Variants in IHO1 observed in about 807,000 individuals in gnomAD.
The protein encoded by IHO1 is interactor of HORMAD1 1, also known as interactor of HORMAD1 protein 1.
In IHO1, 13 loss-of-function variants were observed where a neutral mutation model predicts 31.0. That is an observed-to-expected ratio of 0.42 (90% CI 0.27 to 0.67). IHO1 has a LOEUF of 0.67. IHO1 is among the 30% of genes least tolerant of loss of function. The probability of loss-of-function intolerance (pLI) is 0.24; values close to 1 mark genes in which losing one functional copy is unlikely to be tolerated. For missense variants in IHO1, 599 were observed against 687.5 expected, an observed-to-expected ratio of 0.87 and a Z score of 1.44; for synonymous variants, 221 against 248.4, an observed-to-expected ratio of 0.89 and a Z score of 1.04.
At chr3:49,250,608 G>A (rs2046748692) in intron 6 of IHO1, among the ~76,000 whole-genome samples, 1 of 152,218 alleles carries the variant, frequency 6.6e-6, no homozygotes, top group Non-Finnish European at 1.5e-5. Context: ...ATGGATGTCT[G>A]AAGAATATTT....
At chr3:49,243,489 TG>T (rs2046655345) in intron 4 of IHO1, among the ~76,000 whole-genome samples, 1 of 151,816 alleles carries the variant, frequency 6.6e-6, no homozygotes, top group South Asian at 2.1e-4. Flanking sequence ...CCAGGCGCGG[TG>T]GCTCACGGCT....
At chr3:49,210,319 C>T (rs2046193055) in intron 1 of IHO1, among the ~76,000 whole-genome samples, 1 of 152,008 alleles carries the variant, frequency 6.6e-6, no homozygotes, top group Admixed American at 6.6e-5. Context: ...TCACTACAGC[C>T]TTGACCTCTT....
At chr3:49,229,032 T>C (rs953854178) in intron 2 of IHO1, among the ~76,000 whole-genome samples, 14 of 151,886 alleles carry the variant, frequency 9.2e-5, no homozygotes, top group African/African-American at 1.5e-4. Context: ...AGACACAGAG[T>C]GCTGATTGGT....
At chr3:49,249,433 G>A (rs751028027) in intron 6 of IHO1, among the ~76,000 whole-genome samples, 1 of 151,966 alleles carries the variant, frequency 6.6e-6, no homozygotes, top group Non-Finnish European at 1.5e-5. Context: ...ACCACGCCCA[G>A]CTAAATTTTA....
chr3:49,254,909 C>T (rs936865228), intron 6 of IHO1, among the ~76,000 whole-genome samples: 14 of 151,718 alleles, frequency 9.2e-5, no homozygotes, highest in Admixed American at 9.2e-4. Context: ...ACTAAAAATA[C>T]AAAAATTAGC....
At chr3:49,219,343 A>G (rs942108005) in intron 2 of IHO1, among the ~76,000 whole-genome samples, 3 of 152,240 alleles carry the variant, frequency 2.0e-5, no homozygotes, top group Non-Finnish European at 4.4e-5. Flanking sequence ...AACCAATAGC[A>G]TGAATGATTT....
chr3:49,223,566 C>A (rs2046380823), intron 2 of IHO1, among the ~76,000 whole-genome samples: 1 of 152,044 alleles, frequency 6.6e-6, no homozygotes, highest in South Asian at 2.1e-4. Flanking sequence ...TCGTGGGCAC[C>A]TATAGTCCCA....
intron 1 of IHO1, among the ~76,000 whole-genome samples, chr3:49,210,690 C>T (rs531362465): frequency 1.3e-5 from 2 of 149,374 alleles, no homozygotes; most frequent in South Asian, 2.1e-4. Context: ...TGAGCCACTG[C>T]GCCCGGCTTT....
At chr3:49,249,595 T>C (rs2046736614) in intron 6 of IHO1, among the ~76,000 whole-genome samples, 2 of 152,196 alleles carry the variant, frequency 1.3e-5, no homozygotes, top group African/African-American at 4.8e-5. Context: ...AATTTTAGAA[T>C]GGGAAAAGCC....
chr3:49,225,044 T>G (rs1361182868), intron 2 of IHO1, among the ~76,000 whole-genome samples: 1 of 152,230 alleles, frequency 6.6e-6, no homozygotes, highest in Admixed American at 6.5e-5. Context: ...CAACTACCCG[T>G]AAACAGTGAG....
At chr3:49,199,319 C>G (rs999677457), upstream of IHO1, among the ~76,000 whole-genome samples, 2 of 152,194 alleles carry the variant, frequency 1.3e-5, no homozygotes, top group African/African-American at 4.8e-5. Flanking sequence ...GAGGGCGGGG[C>G]CCTGGGGACT....
chr3:49,256,011 G>A lies in IHO1; in HGVS notation c.637-123G>A. The A allele has an allele frequency of 2.4e-6, 2 of 823,408 alleles. No homozygotes were observed. The highest frequency in any genetic ancestry group is 3.9e-6 in the Non-Finnish European group (2 of 515,734). 51.0% of individuals were successfully genotyped at this position (823,408 alleles called of 1,614,324 possible). ...CCGAGTGTAATTGTGCTTACCCTGA[G>A]AGGTTCCCTACAAGGAGCAAGCCTT... On this transcript the variant is annotated intron_variant, in intron 7 of 7. Transcript: ENST00000452691. The surrounding 1 kb of genome is among the most constrained non-coding windows in gnomAD (Gnocchi z 4.6).
Position 49,256,165 on chromosome 3 carries a change from A to G in IHO1, c.668A>G (p.Asn223Ser), listed in dbSNP as rs774429466. The G allele has an allele frequency of 2.5e-6, 4 of 1,612,820 alleles. No individual in the cohort carries two copies. In the Admixed American group the frequency reaches 5.0e-5, roughly 20 times the overall value. ...GGAGAGTTTATAGAAATGAAGTCCA[A>G]CCTGAAGCACCTTGAAGTTTTAGTT... is the stretch of plus-strand genomic sequence containing the variant. ...RQGEFIEMKSNLKHLEVLVAQ... is the reference protein window; with the variant it reads ...RQGEFIEMKSSLKHLEVLVAQ... The change falls in exon 8 of 8, where the codon AAC becomes AGC. Residue 223 changes from asparagine (N) to serine (S), a missense_variant. Coordinates refer to ENST00000452691, the MANE Select transcript of IHO1 (RefSeq NM_001135197.2). This position sits in a 1 kb window ranked among gnomAD's most constrained non-coding sequence, Gnocchi z 4.6.
rs771731426 is a variant in IHO1 at position 49,241,348 on chromosome 3, G to C, written c.354G>C (p.Gln118His). ...GAAAATCAAAAGGCCTCTTGGAACA[G>C]TTTGAGGAGAAAAAGAAAAGGGCAA... ...SVGKSKGLLE[Q>H]FEEKKKRAKD... The change falls in exon 4 of 8, where the codon CAG becomes CAC. Residue 118 changes from glutamine to histidine, a missense_variant. By Grantham distance (24) the Gln-to-His change is conservative. Transcript: ENST00000452691. 3 of 1,612,152 alleles carry C rather than the reference G, an allele frequency of 1.9e-6. No homozygotes were observed. The highest frequency in any genetic ancestry group is 2.5e-6 in the Non-Finnish European group (3 of 1,179,350).
intron 2 of IHO1, among the ~76,000 whole-genome samples, chr3:49,226,338 A>C (rs2046416568): frequency 6.6e-6 from 1 of 152,136 alleles, no homozygotes. Flanking sequence ...TTGGGTAATA[A>C]ACTTATCTTT....
At chr3:49,209,507 A>G (rs2046181325) in intron 1 of IHO1, among the ~76,000 whole-genome samples, 1 of 151,656 alleles carries the variant, frequency 6.6e-6, no homozygotes, top group South Asian at 2.1e-4. Context: ...GTGACAGCAC[A>G]TGCCTGTAAT....
chr3:49,205,331 CTTT>C (rs766264368), intron 1 of IHO1, among the ~76,000 whole-genome samples: 2 of 139,658 alleles, frequency 1.4e-5, no homozygotes, highest in Non-Finnish European at 3.1e-5. Context: ...CCAGAGGTCA[CTTT>C]TTTTTTTTTT....
intron 1 of IHO1, among the ~76,000 whole-genome samples, chr3:49,207,974 A>G (rs1256109572): frequency 2.0e-5 from 3 of 151,970 alleles, no homozygotes. Flanking sequence ...GGGTTTCACC[A>G]CGTTAGCCAG....
intron 2 of IHO1, among the ~76,000 whole-genome samples, chr3:49,213,122 T>G (rs1350130284): frequency 7.2e-6 from 1 of 139,108 alleles, no homozygotes; most frequent in Non-Finnish European, 1.5e-5. Flanking sequence ...GGGTGCTGAT[T>G]GGCGTGTTTG....
Sources: allele counts gnomAD v4.1 joint callset (sites outside exome capture counted in the v4.1 genomes callset), GRCh38; gene constraint gnomAD v4.1.1; non-coding constraint Gnocchi (gnomAD v3.1); transcripts MANE v1.5; gene names NCBI Gene and HGNC (gene_info 2026-07-23, HGNC 2026-07-21).